KIAA1614: variants seen among roughly 807,000 people sequenced by gnomAD.
KIAA1614 encodes the protein uncharacterized protein KIAA1614.
KIAA1614 carries 76 observed loss-of-function variants against 88.7 expected under a neutral mutation model. That is an observed-to-expected ratio of 0.86 (90% confidence interval 0.71 to 1.04). The LOEUF is 1.04. KIAA1614 is among the 50% of genes least tolerant of loss of function. KIAA1614 has a pLI of 0.00. For missense variants in KIAA1614, 1,553 were observed against 1,582.5 expected, an observed-to-expected ratio of 0.98 and a Z score of 0.32; for synonymous variants, 714 against 675.5, an observed-to-expected ratio of 1.06 and a Z score of -0.88.
At chr1:180,931,161 C>A (rs993802820) in intron 4 of KIAA1614, among the ~76,000 whole-genome samples, 1 of 152,184 alleles carries the variant, frequency 6.6e-6, no homozygotes, top group Non-Finnish European at 1.5e-5. Context: ...AATGGAGCAG[C>A]TCCTGGAAGC....
At chr1:180,934,998 G>C in intron 4 of KIAA1614, 117 bp from the exon 5 acceptor site, 1 of 690,358 alleles carries the variant, frequency 1.4e-6, no homozygotes, top group Non-Finnish European at 2.1e-6. Flanking sequence ...TGTGGGTTGC[G>C]GTTGCCACAG....
chr1:180,923,444 C>T (rs956416366), intron 3 of KIAA1614, among the ~76,000 whole-genome samples: 1 of 152,162 alleles, frequency 6.6e-6, no homozygotes, highest in Non-Finnish European at 1.5e-5. Flanking sequence ...GAGTGGGGAC[C>T]AAATCCGTAT....
chr1:180,924,802 T>A (rs980369855), intron 3 of KIAA1614, among the ~76,000 whole-genome samples: 1 of 151,970 alleles, frequency 6.6e-6, no homozygotes, highest in African/African-American at 2.4e-5. Context: ...TCATCACAGG[T>A]GACTTTAGTA....
At chr1:180,933,560 A>G (rs944653214) in intron 4 of KIAA1614, among the ~76,000 whole-genome samples, 2 of 152,188 alleles carry the variant, frequency 1.3e-5, no homozygotes, top group African/African-American at 4.8e-5. Flanking sequence ...AGGGAGAACT[A>G]TGGTCCTTTC....
chr1:180,918,773 A>T (rs1653881481), intron 3 of KIAA1614, among the ~76,000 whole-genome samples: 1 of 152,120 alleles, frequency 6.6e-6, no homozygotes, highest in South Asian at 2.1e-4. Flanking sequence ...CTCAGTTAGA[A>T]CCACCTCCAG....
chr1:180,936,276 T>C lies in KIAA1614; in HGVS notation c.2367T>C (p.Ser789=), dbSNP rs781249013. 1.2e-6 allele frequency: 2 copies of C among 1,614,092 alleles called. No homozygotes were observed. The highest frequency in any genetic ancestry group is 2.2e-5 in the East Asian group (1 of 44,902). ...TGCAACAGAGCCATGCAGAGCCTTC[T>C]GCCCCACACCAAGCCTGGCAGCCAA... ...SSLQQSHAEP[S]APHQAWQPTA... is the part of the protein sequence containing the mutation. The change falls in exon 5 of 9, where the codon TCT becomes TCC. Residue 789 remains serine (S), a synonymous_variant. Transcript: ENST00000367588.
At chr1:180,924,668 C>A (rs901028106) in intron 3 of KIAA1614, among the ~76,000 whole-genome samples, 5 of 152,118 alleles carry the variant, frequency 3.3e-5, no homozygotes, top group Admixed American at 6.6e-5. Context: ...TGGAAGCCAC[C>A]TTTTCTATGG....
At chr1:180,928,252 G>C (rs1284764657) in intron 3 of KIAA1614, 178 bp from the exon 4 acceptor site, 9 of 715,088 alleles carry the variant, frequency 1.3e-5, no homozygotes, top group African/African-American at 1.8e-5. Context: ...CCAGCCCCAG[G>C]CCCCAGGCCC....
At position 180,941,233 on chromosome 1, in the gene KIAA1614, C is replaced by T. The variant is rs199548006; in HGVS notation, c.3107C>T (p.Pro1036Leu). ...SYSVEQLQPA[P>L]PGLTSQSRAP... ...AGTGTGGAGCAGTTGCAGCCCGCCCCGCCTGGCCTGACGTCACAGTCCAGG... is the reference window on the plus strand; with the variant it reads ...AGTGTGGAGCAGTTGCAGCCCGCCCTGCCTGGCCTGACGTCACAGTCCAGG... Residue 1036 changes from proline to leucine, a missense_variant, in exon 7 of 9, where the codon CCG (proline) becomes CTG (leucine). Physicochemically the swap from Pro to Leu is moderately conservative, Grantham distance 98. Coordinates refer to ENST00000367588, the MANE Select transcript of KIAA1614 (RefSeq NM_020950.2). 3.8e-5 allele frequency: 62 copies of T among 1,613,648 alleles called. No homozygotes were observed. Among genetic ancestry groups the T allele is most frequent in the Admixed American group, 1.0e-4 (6 of 60,000 alleles).
Position 180,950,628 on chromosome 1 carries a change from G to C in KIAA1614, c.*5040G>C. On this transcript the variant is annotated 3_prime_UTR_variant, in exon 9 of 9. Coordinates refer to ENST00000367588, the MANE Select transcript of KIAA1614 (RefSeq NM_020950.2). ...ACGTGCTGCACAGAGCTGCTCTGTGGCGGAAACAGATCCTGGCAGCATCTA... is the reference window on the plus strand; with the variant it reads ...ACGTGCTGCACAGAGCTGCTCTGTGCCGGAAACAGATCCTGGCAGCATCTA... 1.6e-6 allele frequency: 1 copy of C among 627,144 alleles called. No individual in the cohort carries two copies. Among genetic ancestry groups the C allele is most frequent in the Non-Finnish European group, 2.0e-6 (1 of 498,110 alleles). 38.8% of individuals were successfully genotyped at this position (627,144 alleles called of 1,614,324 possible). A position where few individuals can be genotyped will look rare whatever the true frequency, so the allele number is the denominator to read the frequency against.
In KIAA1614 at chr1:180,917,864, G is replaced by A. The variant is rs1421831102; in HGVS notation, c.1011G>A (p.Gly337=). Residue 337 remains glycine (G), a synonymous_variant, in exon 3 of 9, where the codon GGG becomes GGA. Transcript: ENST00000367588. ...WDTAAPERPV[G]DVDWASGTSL... is the part of the protein sequence containing the mutation. ...TCTGGATCCTAGAGCGACCAGTGGG[G>A]GATGTGGACTGGGCCTCGGGCACCT... 9.9e-6 allele frequency: 16 copies of A among 1,613,958 alleles called. No homozygotes were observed. Among genetic ancestry groups the A allele is most frequent in the Non-Finnish European group, 1.4e-5 (16 of 1,179,934 alleles).
At chr1:180,942,182 G>A (rs1654484110) in intron 7 of KIAA1614, among the ~76,000 whole-genome samples, 1 of 152,000 alleles carries the variant, frequency 6.6e-6, no homozygotes, top group Non-Finnish European at 1.5e-5. Flanking sequence ...AGTTATTTGA[G>A]GGAACAACGC....
intron 3 of KIAA1614, among the ~76,000 whole-genome samples, chr1:180,925,421 T>C (rs907246051): frequency 1.3e-5 from 2 of 152,226 alleles, no homozygotes; most frequent in Admixed American, 6.5e-5. Context: ...ACTGGGTGCA[T>C]CCTGGAATCT....
At chr1:180,917,267 G>A (rs1159397068) in intron 2 of KIAA1614, among the ~76,000 whole-genome samples, 167 bp downstream of exon 2, 1 of 152,188 alleles carries the variant, frequency 6.6e-6, no homozygotes. Flanking sequence ...CCTTGGCTGT[G>A]ACAGATTCTT....
rs995164960 is a variant in KIAA1614, at chr1:180,945,159, T to G, written c.3288-144T>G. ...ACCAGTTTTGGCCCTAGCAGGCTCT[T>G]TTTGCTGGCTGAAGTCAGCAGAACC... On this transcript the variant is annotated intron_variant, in intron 8 of 8. Transcript: ENST00000367588. 99 of 1,017,850 alleles carry G rather than the reference T, an allele frequency of 9.7e-5. No homozygotes were observed. The East Asian group carries it at 2.8e-3, about 28-fold the overall frequency. The allele number at this position is 1,017,850 out of a possible 1,614,324, so 63.1% of individuals were successfully genotyped here. A position where few individuals can be genotyped will look rare whatever the true frequency, so the allele number is the denominator to read the frequency against.
intron 8 of KIAA1614, 128 bp downstream of exon 8, chr1:180,944,644 T>C: frequency 1.9e-6 from 2 of 1,079,708 alleles, no homozygotes; most frequent in Non-Finnish European, 2.6e-6. Flanking sequence ...CAACAGGACA[T>C]GTGATGTGTG....
At chr1:180,932,479 T>C (rs1364303501) in intron 4 of KIAA1614, among the ~76,000 whole-genome samples, 1 of 152,276 alleles carries the variant, frequency 6.6e-6, no homozygotes, top group Non-Finnish European at 1.5e-5. Flanking sequence ...TATTTTCTTC[T>C]GATTTTAAAA....
At chr1:180,941,004 C>G in intron 6 of KIAA1614, 41 bp from the exon 7 acceptor site, 4 of 915,352 alleles carry the variant, frequency 4.4e-6, no homozygotes, top group Admixed American at 3.3e-5. Flanking sequence ...GCCACCCTCC[C>G]GGCCCTCCCC....
chr1:180,922,208 G>A (rs541141216), intron 3 of KIAA1614, among the ~76,000 whole-genome samples: 1 of 152,368 alleles, frequency 6.6e-6, no homozygotes, highest in East Asian at 1.9e-4. Context: ...GTGTCTGCAG[G>A]GGCTTTAGTT....
Sources: gnomAD v4.1 joint callset for allele counts (sites outside exome capture counted in the v4.1 genomes callset) on GRCh38, gnomAD v4.1.1 for gene constraint, MANE v1.5 for transcripts, NCBI Gene and HGNC (gene_info 2026-07-23, HGNC 2026-07-21) for gene names.